The following ADAM9 variants were observed in gnomAD, a reference collection of about 807,000 sequenced individuals.
ADAM9 encodes ADAM metallopeptidase domain 9, also known as disintegrin and metalloproteinase domain-containing protein 9.
ADAM9 carries 54 observed loss-of-function variants against 108.1 expected under a neutral mutation model. The ratio of observed to expected loss-of-function variants is 0.50; its 90% CI spans 0.40 to 0.63. The LOEUF (loss-of-function observed/expected upper bound fraction) is 0.63. Ranked by LOEUF, ADAM9 falls within the 20% of genes least tolerant of loss-of-function variation. ADAM9 has a pLI of 0.00. For synonymous variants in ADAM9, 316 were observed against 336.0 expected, an observed-to-expected ratio of 0.94 and a Z score of 0.65; for missense variants, 830 against 997.7, an observed-to-expected ratio of 0.83 and a Z score of 2.26.
At chr8:39,057,950 A>G (rs1261121761) in intron 14 of ADAM9, among the ~76,000 whole-genome samples, 1 of 152,144 alleles carries the variant, frequency 6.6e-6, no homozygotes, top group Non-Finnish European at 1.5e-5. Flanking sequence ...TGAAACCCAT[A>G]GACACCTTAA....
intron 15 of ADAM9, among the ~76,000 whole-genome samples, chr8:39,074,388 AAAG>A: frequency 6.6e-6 from 1 of 152,300 alleles, no homozygotes. Context: ...AGAGGAGTAG[AAAG>A]AATAGTGTGA....
chr8:39,029,707 CT>C, intron 11 of ADAM9, among the ~76,000 whole-genome samples: 1 of 152,242 alleles, frequency 6.6e-6, no homozygotes, highest in African/African-American at 2.4e-5. Context: ...TTGAACCGTC[CT>C]TGTGTCCCAG....
intron 13 of ADAM9, 29 bp from the exon 14 acceptor site, chr8:39,055,548 T>G (rs1838092018): frequency 6.2e-7 from 1 of 1,605,356 alleles, no homozygotes; most frequent in Admixed American, 1.7e-5. Context: ...TCCTGATATT[T>G]CTGTTTAATT....
intron 11 of ADAM9, among the ~76,000 whole-genome samples, chr8:39,032,734 A>T (rs1837137488): frequency 6.6e-6 from 1 of 152,212 alleles, no homozygotes; most frequent in African/African-American, 2.4e-5. Context: ...AAATGCAGAA[A>T]TCACCATCTT....
chr8:39,049,022 A>G (rs543782067), intron 12 of ADAM9, among the ~76,000 whole-genome samples: 2 of 127,924 alleles, frequency 1.6e-5, no homozygotes, highest in East Asian at 4.5e-4. Flanking sequence ...TTTTTTATCC[A>G]TTCAGTATGC....
intron 15 of ADAM9, among the ~76,000 whole-genome samples, chr8:39,074,306 A>G (rs560911022): frequency 4.2e-4 from 64 of 152,256 alleles, no homozygotes; most frequent in South Asian, 1.2e-3. Flanking sequence ...TCCTTTCACT[A>G]AAAGGGTTAT....
chr8:39,014,844 C>A, intron 4 of ADAM9: 1 of 337,894 alleles, frequency 3.0e-6, no homozygotes, highest in African/African-American at 2.1e-5. Context: ...ATTATTAGTA[C>A]TTACAAAAAC....
At chr8:39,026,911 T>C in intron 11 of ADAM9, 101 bp downstream of exon 11, 1 of 1,487,134 alleles carries the variant, frequency 6.7e-7, no homozygotes, top group Non-Finnish European at 9.3e-7. Flanking sequence ...ACAGGAAATG[T>C]TATTTCCGGT....
At chr8:39,006,308 C>T (rs1409145174) in intron 1 of ADAM9, among the ~76,000 whole-genome samples, 1 of 152,040 alleles carries the variant, frequency 6.6e-6, no homozygotes, top group Non-Finnish European at 1.5e-5. Context: ...ACATGCAGTA[C>T]ATTGGATATG....
chr8:39,009,966 C>G (rs1046171735), intron 2 of ADAM9, among the ~76,000 whole-genome samples: 2 of 84,970 alleles, frequency 2.4e-5, no homozygotes, highest in East Asian at 4.3e-4. Flanking sequence ...AAAAACAAAC[C>G]CCCCCCCCCA....
At chr8:39,016,998 G>T (rs948996576) in intron 5 of ADAM9, 12 of 549,858 alleles carry the variant, frequency 2.2e-5, no homozygotes, top group East Asian at 9.5e-5. Flanking sequence ...ACTCAGGGAG[G>T]TTAAGTGACT....
At chr8:39,037,748 G>A (rs964814075) in intron 11 of ADAM9, among the ~76,000 whole-genome samples, 2 of 152,202 alleles carry the variant, frequency 1.3e-5, no homozygotes, top group Non-Finnish European at 1.5e-5. Flanking sequence ...TGTAGCAGGC[G>A]CTGTGCTTAC....
chr8:39,025,977 C>A, intron 10 of ADAM9, 93 bp downstream of exon 10: 1 of 1,318,434 alleles, frequency 7.6e-7, no homozygotes, highest in Non-Finnish European at 1.1e-6. Context: ...GTCCTTAAAA[C>A]AATATTTTGG....
At chr8:39,069,101 G>T (rs1471488706) in intron 14 of ADAM9, among the ~76,000 whole-genome samples, 1 of 152,120 alleles carries the variant, frequency 6.6e-6, no homozygotes, top group Non-Finnish European at 1.5e-5. Context: ...GGTGTAAAAA[G>T]GGTTGATCTC....
chr8:39,086,095 A>G lies in ADAM9; in HGVS notation c.2068+3022A>G, dbSNP rs1483166847. 5.3e-5 allele frequency among the ~76,000 whole-genome samples: 8 copies of G among 152,016 alleles called. No individual in the cohort carries two copies. The East Asian group carries it at 1.2e-3, about 22-fold the overall frequency. On this transcript the variant is annotated intron_variant, in intron 18 of 21. Coordinates refer to ENST00000487273, the MANE Select transcript of ADAM9 (RefSeq NM_003816.3). The stretch of plus-strand genomic sequence containing the variant: ...AGTGGTATGATCTTGGCTCATGGCA[A>G]TCTCTGCCTCCGGGGTTCAAGCAAT...
chr8:39,011,409 A>C (rs1033946900), intron 2 of ADAM9, among the ~76,000 whole-genome samples: 1 of 152,208 alleles, frequency 6.6e-6, no homozygotes, highest in Non-Finnish European at 1.5e-5. Context: ...GCTGAATTAG[A>C]AATGAATTTA....
chr8:38,997,192 G>C lies in ADAM9; in HGVS notation c.97+32G>C, dbSNP rs370549211. On this transcript the variant is annotated intron_variant, in intron 1 of 21. Coordinates refer to ENST00000487273, the MANE Select transcript of ADAM9 (RefSeq NM_003816.3). The stretch of plus-strand genomic sequence containing the variant: ...GTCCGCGCCCCGGGTCGGTTGGGAC[G>C]GCTGCTTCCTAGGGACGGGGCGCTC... 3.8e-6 allele frequency: 6 copies of C among 1,584,476 alleles called. No homozygotes were observed. In the African/African-American group the frequency reaches 4.0e-5, roughly 11 times the overall value.
At chr8:39,056,209 T>C (rs562235865) in intron 14 of ADAM9, among the ~76,000 whole-genome samples, 1 of 152,194 alleles carries the variant, frequency 6.6e-6, no homozygotes, top group East Asian at 1.9e-4. Flanking sequence ...TTAAAAAATT[T>C]ATGTATTTTT....
chr8:39,013,399 A>G (rs772849946), intron 3 of ADAM9, among the ~76,000 whole-genome samples: 2 of 151,676 alleles, frequency 1.3e-5, no homozygotes, highest in Non-Finnish European at 2.9e-5. Flanking sequence ...TGGAACTAGC[A>G]TTTTAAGACC....
Sources: allele counts gnomAD v4.1 joint callset (sites outside exome capture counted in the v4.1 genomes callset), GRCh38; gene constraint gnomAD v4.1.1; transcripts MANE v1.5; gene names NCBI Gene and HGNC (gene_info 2026-07-23, HGNC 2026-07-21).